Variants in KIF13A observed in about 807,000 individuals in gnomAD.
The protein encoded by KIF13A is kinesin family member 13A, also known as kinesin-like protein KIF13A.
Under a neutral mutation model 212.2 loss-of-function variants are expected in KIF13A, and 79 were observed. That is an observed-to-expected ratio of 0.37 (90% CI 0.31 to 0.45). The LOEUF (loss-of-function observed/expected upper bound fraction) is 0.45, where lower values mean the gene tolerates loss of function less well. Ranked by LOEUF, KIF13A falls within the 20% of genes least tolerant of loss-of-function variation. KIF13A has a pLI of 1.00. For synonymous variants in KIF13A, 789 were observed against 808.6 expected, an observed-to-expected ratio of 0.98 and a Z score of 0.41; for missense variants, 1,901 against 2,209.0, an observed-to-expected ratio of 0.86 and a Z score of 2.79.
Position 17,771,083 on chromosome 6 carries a change from G to A in KIF13A, c.4581+31C>T, listed in dbSNP as rs955041993. ...GAAAGGGCCTTAAACCCACCACCAGGCAATATGACAGAAATGGTTCCGGAA... is the reference window on the plus strand; with the variant it reads ...GAAAGGGCCTTAAACCCACCACCAGACAATATGACAGAAATGGTTCCGGAA... On this transcript the variant is annotated intron_variant, in intron 38 of 38. Coordinates refer to ENST00000259711, the MANE Select transcript of KIF13A (RefSeq NM_022113.6). This position sits in a 1 kb window ranked among gnomAD's most constrained non-coding sequence, Gnocchi z 5.4. The A allele has an allele frequency of 1.8e-5, 26 of 1,433,096 alleles. No homozygotes were observed. The East Asian group carries it at 5.8e-4, about 32-fold the overall frequency. 88.8% of individuals were successfully genotyped at this position (1,433,096 alleles called of 1,614,324 possible). A position where few individuals can be genotyped will look rare whatever the true frequency, so the allele number is the denominator to read the frequency against.
chr6:17,880,753 T>C (rs1256643012), intron 3 of KIF13A, among the ~76,000 whole-genome samples: 1 of 151,494 alleles, frequency 6.6e-6, no homozygotes, highest in African/African-American at 2.4e-5. Context: ...CCCGAGTAGC[T>C]AGGACTACAG....
At chr6:17,950,775 A>G (rs1238475573) in intron 2 of KIF13A, 1 of 980,038 alleles carries the variant, frequency 1.0e-6, no homozygotes, top group African/African-American at 1.8e-5. Context: ...ACCCAACTAG[A>G]AAAATCTCTA....
intron 4 of KIF13A, among the ~76,000 whole-genome samples, chr6:17,858,139 GT>G (rs2150409727): frequency 6.8e-6 from 1 of 148,072 alleles, no homozygotes; most frequent in Non-Finnish European, 1.5e-5. Flanking sequence ...GTGTGTGTGT[GT>G]GAGAGAGAGA....
intron 2 of KIF13A, among the ~76,000 whole-genome samples, chr6:17,960,033 AAAC>A (rs1285130207): frequency 2.0e-5 from 3 of 151,998 alleles, no homozygotes; most frequent in Non-Finnish European, 4.4e-5. Flanking sequence ...AAAAAAAAAA[AAAC>A]AACAACAAAA....
chr6:17,764,686 GACC>G lies in KIF13A; in HGVS notation c.4839_4841del (p.Val1614del), dbSNP rs1486196218. 40 of 1,613,666 alleles carry G rather than the reference GACC, an allele frequency of 2.5e-5. No individual in the cohort carries two copies. The highest frequency in any genetic ancestry group is 3.1e-5 in the Non-Finnish European group (36 of 1,179,756). On this transcript the variant is annotated inframe_deletion, in exon 39 of 39. Transcript: ENST00000259711. The surrounding 1 kb of genome is among the most constrained non-coding windows in gnomAD (Gnocchi z 5.1). Reference sequence around the variant, plus strand: ...GCTGGTCTGAGCTGTCACTAGAAGGGACCACCATGTCAGACAGGGTGGCATTGG... The same window carrying G: ...GCTGGTCTGAGCTGTCACTAGAAGGGACCATGTCAGACAGGGTGGCATTGG...
rs1367960559 is a variant in KIF13A, at chr6:17,849,303, A to T, written c.830+74T>A. 6 of 1,039,982 alleles carry T rather than the reference A, an allele frequency of 5.8e-6. No individual in the cohort carries two copies. Among genetic ancestry groups the T allele is most frequent in the South Asian group, 4.3e-5 (3 of 69,314 alleles). The allele number at this position is 1,039,982 out of a possible 1,614,324, so 64.4% of individuals were successfully genotyped here. A position where few individuals can be genotyped will look rare whatever the true frequency, so the allele number is the denominator to read the frequency against. On this transcript the variant is annotated intron_variant, in intron 9 of 38. Coordinates refer to ENST00000259711, the MANE Select transcript of KIF13A (RefSeq NM_022113.6). This position sits in a 1 kb window ranked among gnomAD's most constrained non-coding sequence, Gnocchi z 5.7. Reference sequence around the variant, plus strand: ...TTTAAACAACCTGTACATCAGAACCATCTGACCCTCATAATGCAACAAATC... The same window carrying T: ...TTTAAACAACCTGTACATCAGAACCTTCTGACCCTCATAATGCAACAAATC...
chr6:17,813,927 G>C (rs1337011368), intron 17 of KIF13A, among the ~76,000 whole-genome samples: 1 of 150,312 alleles, frequency 6.7e-6, no homozygotes, highest in Non-Finnish European at 1.5e-5. Context: ...GGTATAAATG[G>C]TCTATAGATG....
intron 16 of KIF13A, among the ~76,000 whole-genome samples, chr6:17,823,937 G>A (rs1419751179): frequency 7.7e-6 from 1 of 129,070 alleles, no homozygotes; most frequent in Admixed American, 8.8e-5. Flanking sequence ...TTTTGATAAG[G>A]AGTCTCATTC....
At position 17,814,021 on chromosome 6, in the gene KIF13A, C is replaced by G. The variant is rs1763683365; in HGVS notation, c.2000+2999G>C. Among the ~76,000 whole-genome samples, 3 of 137,542 alleles carry G rather than the reference C, an allele frequency of 2.2e-5. 1 individual carries two copies. The highest frequency in any genetic ancestry group is 5.0e-4 in the South Asian group (2 of 3,990). 90.2% of individuals were successfully genotyped at this position (137,542 alleles called of 152,430 possible). A position where few individuals can be genotyped will look rare whatever the true frequency, so the allele number is the denominator to read the frequency against. ...AGGCTGGAGTGCAGTGGCATGATCT[C>G]AGCTCACTGCAAGCTCCGCCTCCCA... is the stretch of plus-strand genomic sequence containing the variant. On this transcript the variant is annotated intron_variant, in intron 17 of 38. Coordinates refer to ENST00000259711, the MANE Select transcript of KIF13A (RefSeq NM_022113.6).
intron 13 of KIF13A, among the ~76,000 whole-genome samples, chr6:17,830,199 AC>A (rs1316249981): frequency 6.6e-6 from 1 of 152,068 alleles, no homozygotes; most frequent in African/African-American, 2.4e-5. Flanking sequence ...GTCTCTGAGA[AC>A]CTTTCAGGAG....
Position 17,764,380 on chromosome 6 carries a change from G to A in KIF13A, c.5148C>T (p.Phe1716=), listed in dbSNP as rs1320618111. The part of the protein sequence containing the change: ...PSKISQPARG[F]CPREVTVEHT... ...GTTCTACCGTCACCTCCCTGGGGCA[G>A]AATCCCCTGGCTGGCTGGCTAATTT... is the stretch of plus-strand genomic sequence containing the variant. The change falls in exon 39 of 39, where the codon TTC becomes TTT. Residue 1716 remains phenylalanine (F), a synonymous_variant. Coordinates refer to ENST00000259711, the MANE Select transcript of KIF13A (RefSeq NM_022113.6). This position sits in a 1 kb window ranked among gnomAD's most constrained non-coding sequence, Gnocchi z 5.1. 1.9e-6 allele frequency: 3 copies of A among 1,613,992 alleles called. No homozygotes were observed. The highest frequency in any genetic ancestry group is 2.5e-6 in the Non-Finnish European group (3 of 1,179,890).
At chr6:17,867,050 AC>A (rs748365188) in intron 4 of KIF13A, among the ~76,000 whole-genome samples, 7 of 151,634 alleles carry the variant, frequency 4.6e-5, no homozygotes, top group Non-Finnish European at 8.8e-5. Flanking sequence ...ATGCTAAATC[AC>A]CCCAGCTGGG....
chr6:17,852,221 T>C (rs1490953427), intron 6 of KIF13A, among the ~76,000 whole-genome samples, 179 bp from the exon 7 acceptor site: 1 of 152,212 alleles, frequency 6.6e-6, no homozygotes, highest in African/African-American at 2.4e-5. Context: ...ACATGAGAAA[T>C]GTGTTTTATG....
chr6:17,976,743 C>T (rs1254699252), intron 2 of KIF13A, among the ~76,000 whole-genome samples: 1 of 151,136 alleles, frequency 6.6e-6, no homozygotes, highest in Non-Finnish European at 1.5e-5. Flanking sequence ...AGCACGCTGT[C>T]ACCTCTCAAA....
chr6:17,873,549 T>C, intron 3 of KIF13A, 112 bp from the exon 4 acceptor site: 1 of 728,682 alleles, frequency 1.4e-6, no homozygotes, highest in Non-Finnish European at 2.3e-6. Flanking sequence ...ACTGTCTGAC[T>C]GAAAAAAATC....
chr6:17,828,514 T>C lies in KIF13A; in HGVS notation c.1402-144A>G. On this transcript the variant is annotated intron_variant, in intron 13 of 38. Transcript: ENST00000259711. This position sits in a 1 kb window ranked among gnomAD's most constrained non-coding sequence, Gnocchi z 4.3. ...CCAGAGATGTTAAATATCTTAAGCA[T>C]TAAAAGTAAAACGCTTACCCTTAAT... The C allele has an allele frequency of 1.5e-6, 1 of 656,654 alleles. No homozygotes were observed. The highest frequency in any genetic ancestry group is 2.4e-6 in the Non-Finnish European group (1 of 415,492). 40.7% of individuals were successfully genotyped at this position (656,654 alleles called of 1,614,324 possible).
At chr6:17,916,229 G>A (rs528285238) in intron 2 of KIF13A, among the ~76,000 whole-genome samples, 13 of 152,282 alleles carry the variant, frequency 8.5e-5, no homozygotes, top group African/African-American at 3.1e-4. Flanking sequence ...CAAGGATTTT[G>A]ATTCTAGACC....
At chr6:17,975,072 A>G (rs779234137) in intron 2 of KIF13A, among the ~76,000 whole-genome samples, 1 of 152,200 alleles carries the variant, frequency 6.6e-6, no homozygotes, top group Non-Finnish European at 1.5e-5. Context: ...AGCTGGGCGC[A>G]GTGGTTCACA....
Position 17,918,950 on chromosome 6 carries a change from A to G in KIF13A, c.147-20770T>C, listed in dbSNP as rs948132730. On this transcript the variant is annotated intron_variant, in intron 2 of 38. Transcript: ENST00000259711. This position sits in a 1 kb window ranked among gnomAD's most constrained non-coding sequence, Gnocchi z 4.8. ...TGACAGTTATAAGATCCACGGAAAG[A>G]GAGGCTTTGTCTATCTTGTTCTCTG... 6.6e-6 allele frequency among the ~76,000 whole-genome samples: 1 copy of G among 152,168 alleles called. No homozygotes were observed. Among genetic ancestry groups the G allele is most frequent in the Non-Finnish European group, 1.5e-5 (1 of 68,030 alleles).
Sources: allele counts gnomAD v4.1 joint callset (sites outside exome capture counted in the v4.1 genomes callset), GRCh38; gene constraint gnomAD v4.1.1; non-coding constraint Gnocchi (gnomAD v3.1); transcripts MANE v1.5; gene names NCBI Gene and HGNC (gene_info 2026-07-23, HGNC 2026-07-21).